SMURF2: variants seen among roughly 807,000 people sequenced by gnomAD.
SMURF2 encodes the protein SMAD specific E3 ubiquitin protein ligase 2.
In SMURF2, 48 loss-of-function variants were observed where a neutral mutation model predicts 109.6. The observed-to-expected ratio is 0.44, with a 90% CI of 0.35 to 0.56. The LOEUF is 0.56. Among genes scored for constraint, SMURF2 ranks in the 20% least tolerant of loss-of-function variants. SMURF2 has a pLI of 0.01. For synonymous variants in SMURF2, 288 were observed against 317.1 expected (o/e 0.91, Z 0.97); for missense variants, 575 against 909.0 (o/e 0.63, Z 4.72).
chr17:64,620,246 A>G (rs1406453484), intron 1 of SMURF2, among the ~76,000 whole-genome samples: 12 of 152,340 alleles, frequency 7.9e-5, no homozygotes, highest in African/African-American at 2.6e-4. Context: ...GTATTTTACA[A>G]TGTGCCAAAA....
intron 10 of SMURF2, among the ~76,000 whole-genome samples, chr17:64,566,591 T>TTG (rs1969314957): frequency 7.8e-6 from 1 of 127,972 alleles, no homozygotes; most frequent in African/African-American, 2.9e-5. Flanking sequence ...TTTTTTTTTT[T>TTG]GAGACAGTCT....
intron 1 of SMURF2, among the ~76,000 whole-genome samples, chr17:64,633,018 C>T (rs1350846512): frequency 6.6e-6 from 1 of 152,190 alleles, no homozygotes; most frequent in Non-Finnish European, 1.5e-5. Flanking sequence ...AGTCTGTAAT[C>T]TCAGCACTTT....
intron 3 of SMURF2, among the ~76,000 whole-genome samples, chr17:64,597,138 G>A (rs1463543077): frequency 6.6e-5 from 10 of 152,152 alleles, no homozygotes; most frequent in African/African-American, 2.2e-4. Context: ...GGGCATCACA[G>A]CCCACGCTTG....
intron 6 of SMURF2, among the ~76,000 whole-genome samples, chr17:64,584,752 A>G (rs1969629733): frequency 6.6e-6 from 1 of 152,170 alleles, no homozygotes; most frequent in Non-Finnish European, 1.5e-5. Flanking sequence ...ATTTCTACAA[A>G]GATACTGGCA....
chr17:64,546,013 ATAC>A (rs1483271277), intron 18 of SMURF2, 66 bp from the exon 19 acceptor site: 1 of 1,034,474 alleles, frequency 9.7e-7, no homozygotes, highest in African/African-American at 1.6e-5. Context: ...TAGCAAGTGT[ATAC>A]CAGTATAGCC....
chr17:64,637,134 T>C (rs981262765), intron 1 of SMURF2, among the ~76,000 whole-genome samples: 8 of 151,978 alleles, frequency 5.3e-5, no homozygotes, highest in Non-Finnish European at 1.0e-4. Flanking sequence ...AAGAGATTTT[T>C]TTTTTTTTTT....
At chr17:64,546,802 A>G (rs1472918033) in intron 17 of SMURF2, among the ~76,000 whole-genome samples, 3 of 152,260 alleles carry the variant, frequency 2.0e-5, no homozygotes, top group Non-Finnish European at 4.4e-5. Flanking sequence ...AAATACATGT[A>G]GCAGAAATAC....
chr17:64,634,319 G>C (rs971472569), intron 1 of SMURF2, among the ~76,000 whole-genome samples: 10 of 152,182 alleles, frequency 6.6e-5, no homozygotes, highest in Non-Finnish European at 1.5e-4. Context: ...TGGGTCTATA[G>C]GCAGTCTGGC....
chr17:64,621,866 A>T (rs1338820701), intron 1 of SMURF2, among the ~76,000 whole-genome samples: 1 of 149,606 alleles, frequency 6.7e-6, no homozygotes, highest in African/African-American at 2.5e-5. Context: ...TTACAGAGTA[A>T]GACTCTCTCT....
chr17:64,603,215 A>T (rs1969921917), intron 2 of SMURF2, among the ~76,000 whole-genome samples: 1 of 152,106 alleles, frequency 6.6e-6, no homozygotes, highest in South Asian at 2.1e-4. Flanking sequence ...TTACACAGAA[A>T]TCTTTTTTAA....
rs542858449 is a variant in SMURF2 at position 64,632,745 on chromosome 17, A to G, written c.53-26105T>C. Among the ~76,000 whole-genome samples the G allele has an allele frequency of 6.6e-5, 10 of 152,328 alleles. 1 individual carries two copies. The highest frequency in any genetic ancestry group is 5.9e-4 in the Admixed American group (9 of 15,304). ...AGACAGTGTAACACAGAGCTTAGAG[A>G]CAGGAATAAAACACATCTGGTTTCA... is the stretch of plus-strand genomic sequence containing the variant. On this transcript the variant is annotated intron_variant, in intron 1 of 18. Transcript: ENST00000262435.
chr17:64,565,553 A>T (rs1173785268), intron 10 of SMURF2, among the ~76,000 whole-genome samples: 6 of 152,156 alleles, frequency 3.9e-5, no homozygotes, highest in Non-Finnish European at 8.8e-5. Flanking sequence ...ATCTTCATGC[A>T]ATGCCAGTCA....
At chr17:64,622,059 C>T (rs2144697045) in intron 1 of SMURF2, among the ~76,000 whole-genome samples, 1 of 145,648 alleles carries the variant, frequency 6.9e-6, no homozygotes, top group Admixed American at 6.8e-5. Context: ...GACCTTGTCC[C>T]CAAAATAAGT....
intron 1 of SMURF2, among the ~76,000 whole-genome samples, chr17:64,642,240 T>A (rs1317975709): frequency 6.6e-6 from 1 of 152,216 alleles, no homozygotes; most frequent in Non-Finnish European, 1.5e-5. Context: ...CTTCCAAGTA[T>A]CTAAGGGATC....
rs150556690 is a variant in SMURF2, at chr17:64,634,545, G to A, written c.52+27284C>T. Among the ~76,000 whole-genome samples, 868 of 152,246 alleles carry A rather than the reference G, an allele frequency of 5.7e-3. 17 individuals carry two copies. Among genetic ancestry groups the A allele is most frequent in the Admixed American group, 0.04 (617 of 15,286 alleles). On this transcript the variant is annotated intron_variant, in intron 1 of 18. Coordinates refer to ENST00000262435, the MANE Select transcript of SMURF2 (RefSeq NM_022739.4). Reference sequence around the variant, plus strand: ...ATATGAACTGGCTAGAATCATGCAAGGAATTGGTATCCGCCTCTGTAGATA... The same window carrying A: ...ATATGAACTGGCTAGAATCATGCAAAGAATTGGTATCCGCCTCTGTAGATA...
In SMURF2 at chr17:64,593,492, G is replaced by T. The variant is rs140880608; in HGVS notation, c.282C>A (p.Leu94=). Residue 94 remains leucine, a synonymous_variant, in exon 4 of 19, where the codon CTC becomes CTA. Transcript: ENST00000262435. ...KIHKKQGAGF[L]GCVRLLSNAI... ...CATTGGAAAGAAGACGAACACAACC[G>T]AGAAATCCAGCACCTTGTTTCTTAT... 1.2e-6 allele frequency: 2 copies of T among 1,609,790 alleles called. No homozygotes were observed. The highest frequency in any genetic ancestry group is 1.7e-6 in the Non-Finnish European group (2 of 1,178,194).
intron 1 of SMURF2, among the ~76,000 whole-genome samples, chr17:64,608,030 T>TA (rs1555689216): frequency 6.7e-6 from 1 of 150,334 alleles, no homozygotes; most frequent in Non-Finnish European, 1.5e-5. Flanking sequence ...AATAAATAAA[T>TA]AAATAAATAA....
chr17:64,644,695 T>G (rs1970537339), intron 1 of SMURF2, among the ~76,000 whole-genome samples: 1 of 148,054 alleles, frequency 6.8e-6, no homozygotes, highest in Non-Finnish European at 1.5e-5. Context: ...GCGGATCACC[T>G]AAGATCAGGA....
chr17:64,635,691 G>A (rs907692487), intron 1 of SMURF2, among the ~76,000 whole-genome samples: 1 of 152,058 alleles, frequency 6.6e-6, no homozygotes, highest in African/African-American at 2.4e-5. Flanking sequence ...ATATTCCATT[G>A]TATAGATATG....
Sources: gnomAD v4.1 joint callset for allele counts (sites outside exome capture counted in the v4.1 genomes callset) on GRCh38, gnomAD v4.1.1 for gene constraint, MANE v1.5 for transcripts, NCBI Gene and HGNC (gene_info 2026-07-23, HGNC 2026-07-21) for gene names.